The following KAZN variants were observed in gnomAD, a reference collection of about 807,000 sequenced individuals.
KAZN encodes kazrin, periplakin interacting protein.
A neutral mutation model predicts 87.4 loss-of-function variants in KAZN; 40 were observed. The ratio of observed to expected loss-of-function variants is 0.46; its 90% confidence interval spans 0.36 to 0.60. The LOEUF (loss-of-function observed/expected upper bound fraction) is 0.60. Among genes scored for constraint, KAZN ranks in the 20% least tolerant of loss-of-function variants. The probability of loss-of-function intolerance (pLI) is 0.00; values close to 1 mark genes in which losing one functional copy is unlikely to be tolerated. For synonymous variants in KAZN, 466 were observed against 458.3 expected (o/e 1.02, Z -0.22); for missense variants, 898 against 1,073.9 (o/e 0.84, Z 2.29).
intron 1 of KAZN, among the ~76,000 whole-genome samples, chr1:14,771,777 G>T (rs1645026805): frequency 6.6e-6 from 1 of 152,154 alleles, no homozygotes; most frequent in East Asian, 1.9e-4. Flanking sequence ...AGTGAGCCAA[G>T]ACCGTGCCAT....
chr1:14,202,493 G>A (rs1439950527), intron 2 of KAZN, among the ~76,000 whole-genome samples: 1 of 152,172 alleles, frequency 6.6e-6, no homozygotes, highest in Non-Finnish European at 1.5e-5. Flanking sequence ...CAGGTGCTGG[G>A]GTGCAGGGAA....
At chr1:14,445,685 T>C (rs1305099397) in intron 2 of KAZN, among the ~76,000 whole-genome samples, 1 of 152,180 alleles carries the variant, frequency 6.6e-6, no homozygotes, top group Non-Finnish European at 1.5e-5. Context: ...GTAAAGGTGC[T>C]GTATTGACTG....
At chr1:15,057,393 G>A (rs563622628) in intron 5 of KAZN, among the ~76,000 whole-genome samples, 17 of 152,346 alleles carry the variant, frequency 1.1e-4, no homozygotes, top group South Asian at 6.2e-4. Flanking sequence ...GTAAAACTGC[G>A]GGAATGGGGC....
intron 2 of KAZN, among the ~76,000 whole-genome samples, chr1:14,383,446 T>C (rs890333598): frequency 6.6e-6 from 1 of 152,086 alleles, no homozygotes; most frequent in African/African-American, 2.4e-5. Flanking sequence ...TTTATGGTTT[T>C]AGGTCTAACA....
chr1:14,912,906 A>C (rs1461086882), intron 1 of KAZN, among the ~76,000 whole-genome samples: 1 of 152,172 alleles, frequency 6.6e-6, no homozygotes, highest in Non-Finnish European at 1.5e-5. Context: ...GTATAAGAAC[A>C]AAGCCCTTCT....
At chr1:14,618,615 G>T (rs1048147377) in intron 1 of KAZN, among the ~76,000 whole-genome samples, 3 of 152,204 alleles carry the variant, frequency 2.0e-5, no homozygotes, top group Non-Finnish European at 4.4e-5. Context: ...AATTTTGACA[G>T]GTCAGGCAAC....
intron 2 of KAZN, among the ~76,000 whole-genome samples, chr1:14,513,750 G>A (rs1228532559): frequency 6.6e-6 from 1 of 152,054 alleles, no homozygotes; most frequent in African/African-American, 2.4e-5. Flanking sequence ...GTTATGGAGG[G>A]TAATTACATA....
intron 2 of KAZN, among the ~76,000 whole-genome samples, chr1:14,292,764 G>A (rs1316609083): frequency 6.6e-6 from 1 of 152,172 alleles, no homozygotes; most frequent in Non-Finnish European, 1.5e-5. Flanking sequence ...GTTGGCCGCA[G>A]GCTCACACAT....
At chr1:14,154,950 T>TTTTCTTCC (rs1645557243) in intron 1 of KAZN, among the ~76,000 whole-genome samples, 1 of 68,082 alleles carries the variant, frequency 1.5e-5, no homozygotes, top group Non-Finnish European at 2.4e-5. Context: ...GGCTTGTAGT[T>TTTTCTTCC]TTTCTTCCTT....
intron 1 of KAZN, among the ~76,000 whole-genome samples, chr1:14,730,110 G>A (rs760061201): frequency 9.2e-5 from 14 of 152,094 alleles, no homozygotes; most frequent in Non-Finnish European, 1.3e-4. Context: ...ATGTGACAGA[G>A]TCTAGCTCTG....
intron 1 of KAZN, among the ~76,000 whole-genome samples, chr1:14,062,578 G>C (rs1015545054): frequency 6.6e-6 from 1 of 152,144 alleles, no homozygotes; most frequent in Non-Finnish European, 1.5e-5. Context: ...CATTTGTTCA[G>C]TAATCTATCA....
chr1:14,420,164 A>C lies in KAZN; in HGVS notation c.250-178819A>C, dbSNP rs183771962. Among the ~76,000 whole-genome samples, 192 of 152,124 alleles carry C rather than the reference A, an allele frequency of 1.3e-3. 2 individuals carry two copies. The highest frequency in any genetic ancestry group is 0.01 in the Admixed American group (156 of 15,288). Reference sequence around the variant, plus strand: ...AAAGTTCTCCAAGTCCCCACTAGAGAGGCTAGACACAGAGCGCTGATTGGT... The same window carrying C: ...AAAGTTCTCCAAGTCCCCACTAGAGCGGCTAGACACAGAGCGCTGATTGGT... On this transcript the variant is annotated intron_variant, in intron 2 of 16. Transcript: ENST00000636203.
intron 1 of KAZN, among the ~76,000 whole-genome samples, chr1:14,672,944 A>G (rs1639999483): frequency 6.6e-6 from 1 of 152,204 alleles, no homozygotes; most frequent in Non-Finnish European, 1.5e-5. Flanking sequence ...TGGCTTAGGC[A>G]CAGCCTGATC....
At chr1:14,131,733 T>G (rs991681392) in intron 1 of KAZN, among the ~76,000 whole-genome samples, 4 of 152,118 alleles carry the variant, frequency 2.6e-5, no homozygotes, top group African/African-American at 9.7e-5. Flanking sequence ...ACTTTCAAGA[T>G]TCCAGGTAAA....
chr1:14,991,702 G>T (rs1667375684), intron 2 of KAZN, among the ~76,000 whole-genome samples: 1 of 152,176 alleles, frequency 6.6e-6, no homozygotes, highest in Non-Finnish European at 1.5e-5. Flanking sequence ...CTGGCCCCAG[G>T]GGGATTGGAG....
intron 1 of KAZN, among the ~76,000 whole-genome samples, chr1:14,901,154 G>C (rs926875332): frequency 1.3e-5 from 2 of 152,194 alleles, no homozygotes; most frequent in Non-Finnish European, 2.9e-5. Context: ...GGACAACTGG[G>C]GGAAGGCTTC....
At chr1:14,673,902 G>C (rs1254745547) in intron 1 of KAZN, among the ~76,000 whole-genome samples, 4 of 152,136 alleles carry the variant, frequency 2.6e-5, no homozygotes, top group African/African-American at 9.7e-5. Context: ...GTCCTCCTTT[G>C]TCAGATTCAC....
In KAZN at chr1:15,114,462, T is replaced by A; in HGVS notation, c.2164-9T>A. On this transcript the variant is annotated splice_polypyrimidine_tract_variant and intron_variant, in intron 14 of 14. Coordinates refer to ENST00000376030, the MANE Select transcript of KAZN (RefSeq NM_201628.3). ...TTCCTGTCCTTTGATCATATTCTTC[T>A]CTTCTCAGCTGCCCCTGGGGAAGAT... 6.2e-7 allele frequency: 1 copy of A among 1,603,816 alleles called. No individual in the cohort carries two copies. Among genetic ancestry groups the A allele is most frequent in the Admixed American group, 1.7e-5 (1 of 58,696 alleles).
chr1:15,065,230 G>A lies in KAZN; in HGVS notation c.1099-400G>A, dbSNP rs188664153. The stretch of plus-strand genomic sequence containing the variant: ...TTTAGTAGAGACAGGGTTTCACCAT[G>A]TTTGCCAGGCTGGTCTCGAACTCCC... On this transcript the variant is annotated intron_variant, in intron 7 of 14. Transcript: ENST00000376030. 2.1e-3 allele frequency among the ~76,000 whole-genome samples: 316 copies of A among 152,118 alleles called. 1 individual carries two copies. The highest frequency in any genetic ancestry group is 7.4e-3 in the African/African-American group (306 of 41,516).
Sources: gnomAD v4.1 joint callset for allele counts (sites outside exome capture counted in the v4.1 genomes callset) on GRCh38, gnomAD v4.1.1 for gene constraint, MANE v1.5 for transcripts, NCBI Gene and HGNC (gene_info 2026-07-23, HGNC 2026-07-21) for gene names.